Variants in BDNF observed in about 807,000 individuals in gnomAD.
BDNF encodes the protein brain derived neurotrophic factor.
In BDNF, 1 loss-of-function variant was observed where a neutral mutation model predicts 19.5. That is an observed-to-expected ratio of 0.05 (90% CI 0.02 to 0.24). BDNF has a LOEUF of 0.24. Among genes scored for constraint, BDNF ranks in the 10% least tolerant of loss-of-function variants. The pLI, the probability that BDNF is intolerant of heterozygous loss-of-function variation, is 1.00. For synonymous variants in BDNF, 100 were observed against 121.6 expected, an observed-to-expected ratio of 0.82 and a Z score of 1.17; for missense variants, 195 against 317.6, an observed-to-expected ratio of 0.61 and a Z score of 2.93.
chr11:27,681,641 T>G (rs6484320), intron 1 of BDNF, among the ~76,000 whole-genome samples: 1 of 152,018 alleles, frequency 6.6e-6, no homozygotes, highest in African/African-American at 2.4e-5. Flanking sequence ...AGTTTTAGTC[T>G]TGTAAACTTT....
chr11:27,721,671 C>T, exon 1 of BDNF: 1 of 577,358 alleles, frequency 1.7e-6, no homozygotes, highest in Admixed American at 3.0e-5. Flanking sequence ...TTTACGCAAA[C>T]GCCCTCACTC....
At chr11:27,707,015 C>T (rs1215664640) in intron 1 of BDNF, among the ~76,000 whole-genome samples, 1 of 152,170 alleles carries the variant, frequency 6.6e-6, no homozygotes, top group Non-Finnish European at 1.5e-5. Flanking sequence ...AGTTGTAGAC[C>T]TTTCACATTT....
At chr11:27,709,221 T>C (rs950509315) in intron 1 of BDNF, among the ~76,000 whole-genome samples, 1 of 152,196 alleles carries the variant, frequency 6.6e-6, no homozygotes, top group Non-Finnish European at 1.5e-5. Context: ...AAAAGAATTT[T>C]GTCGCTGAAA....
At chr11:27,709,031 G>C (rs533808416) in intron 1 of BDNF, among the ~76,000 whole-genome samples, 10 of 152,006 alleles carry the variant, frequency 6.6e-5, no homozygotes, top group African/African-American at 2.4e-4. Flanking sequence ...GTTTCACCAT[G>C]TTGGCCAGGC....
At chr11:27,704,122 A>G (rs1399601680), upstream of BDNF, among the ~76,000 whole-genome samples, 3 of 152,194 alleles carry the variant, frequency 2.0e-5, no homozygotes, top group African/African-American at 7.2e-5. Context: ...CCTCTGGCAT[A>G]ATTGATATGT....
At chr11:27,682,138 C>T (rs1056136758) in intron 1 of BDNF, among the ~76,000 whole-genome samples, 2 of 152,068 alleles carry the variant, frequency 1.3e-5, no homozygotes, top group Non-Finnish European at 2.9e-5. Context: ...GTGAAATAAA[C>T]GATAAGTCTC....
chr11:27,667,951 C>A (rs184921656), intron 1 of BDNF, among the ~76,000 whole-genome samples: 99 of 152,360 alleles, frequency 6.5e-4, no homozygotes, highest in African/African-American at 2.3e-3. Context: ...CACTCCAAAT[C>A]AACAGAATAT....
Position 27,718,310 on chromosome 11 carries a change from T to C in BDNF, c.3+3102A>G, listed in dbSNP as rs137935601. ...GCCGCCTGATTGGAAAAAGCAAGCG[T>C]TGCACCTTTAAATTCTGCTCCTCCA... On this transcript the variant is annotated intron_variant, in intron 1 of 1. Coordinates refer to the BDNF transcript ENST00000314915. Among the ~76,000 whole-genome samples the C allele has an allele frequency of 2.1e-3, 315 of 150,756 alleles. 2 individuals are homozygous for C. Among genetic ancestry groups the C allele is most frequent in the African/African-American group, 7.3e-3 (303 of 41,230 alleles).
At chr11:27,698,256 A>AAAAAAAAAAAC (rs1859404617) in intron 1 of BDNF, 1 of 120,910 alleles carries the variant, frequency 8.3e-6, no homozygotes, top group African/African-American at 3.1e-5. Context: ...AAAAAAAAAA[A>AAAAAAAAAAAC]GTCTTAAGCA....
rs920287043 is a variant in BDNF, at chr11:27,658,730, C to T, written c.-21-145G>A. The T allele has an allele frequency of 6.5e-7, 1 of 1,545,156 alleles. No individual in the cohort carries two copies. The highest frequency in any genetic ancestry group is 8.7e-7 in the Non-Finnish European group (1 of 1,146,160). On this transcript the variant is annotated intron_variant, in intron 1 of 1. Transcript: ENST00000356660. The surrounding 1 kb of genome is among the most constrained non-coding windows in gnomAD (Gnocchi z 5.7). ...TCTTGGTGATAAACTCCAGCTGCACCAGACACAAATCAGTGTCAGTAGTGT... is the reference window on the plus strand; with the variant it reads ...TCTTGGTGATAAACTCCAGCTGCACTAGACACAAATCAGTGTCAGTAGTGT...
At chr11:27,720,977 C>G (rs58936914) in intron 1 of BDNF, among the ~76,000 whole-genome samples, 9,144 of 133,740 alleles carry the variant, frequency 0.068, 414 homozygotes, top group South Asian at 0.24. Context: ...AACTCCCAGT[C>G]TTTACCCCAC....
chr11:27,697,529 C>T (rs1859245927), intron 1 of BDNF: 1 of 152,150 alleles, frequency 6.6e-6, no homozygotes, highest in African/African-American at 2.4e-5. Flanking sequence ...CAGGACCTCC[C>T]TTCCCTCCTT....
intron 1 of BDNF, among the ~76,000 whole-genome samples, chr11:27,697,196 G>GAGAGAA (rs34590225): frequency 6.7e-6 from 1 of 149,922 alleles, no homozygotes; most frequent in East Asian, 1.9e-4. Flanking sequence ...GAGAGAGAGA[G>GAGAGAA]CACCCCAGGT....
Position 27,657,144 on chromosome 11 carries a change from C to A in BDNF, c.*677G>T, listed in dbSNP as rs1852673177. On this transcript the variant is annotated 3_prime_UTR_variant, in exon 2 of 2. Transcript: ENST00000356660. This position sits in a 1 kb window ranked among gnomAD's most constrained non-coding sequence, Gnocchi z 5.0. Reference sequence around the variant, plus strand: ...GTCATCTGATCGATATTGCAAACATCTTCACAACATACAAATGTATCTTTT... The same window carrying A: ...GTCATCTGATCGATATTGCAAACATATTCACAACATACAAATGTATCTTTT... The A allele has an allele frequency of 1.0e-6, 1 of 982,548 alleles. No homozygotes were observed. The highest frequency in any genetic ancestry group is 1.2e-6 in the Non-Finnish European group (1 of 827,024). 60.9% of individuals were successfully genotyped at this position (982,548 alleles called of 1,614,324 possible). A position where few individuals can be genotyped will look rare whatever the true frequency, so the allele number is the denominator to read the frequency against.
At chr11:27,699,585 G>A (rs923737401) in intron 1 of BDNF, 3 of 1,487,924 alleles carry the variant, frequency 2.0e-6, no homozygotes, top group African/African-American at 2.8e-5. Flanking sequence ...TAGGAATTCC[G>A]CCTCCCAAGT....
chr11:27,669,359 T>C (rs558660239), intron 1 of BDNF, among the ~76,000 whole-genome samples: 7 of 152,188 alleles, frequency 4.6e-5, no homozygotes, highest in Non-Finnish European at 8.8e-5. Flanking sequence ...AACAAGGATG[T>C]CCTCTGTCAC....
At chr11:27,692,776 G>A (rs1176093043) in intron 1 of BDNF, among the ~76,000 whole-genome samples, 1 of 152,142 alleles carries the variant, frequency 6.6e-6, no homozygotes, top group Admixed American at 6.5e-5. Flanking sequence ...ATTGGTTCTA[G>A]AACTGCTGTC....
intron 1 of BDNF, chr11:27,721,360 A>G: frequency 6.2e-7 from 1 of 1,607,284 alleles, no homozygotes; most frequent in Non-Finnish European, 8.5e-7. Flanking sequence ...GCCCGTTGTT[A>G]AGCAACATGT....
At chr11:27,711,655 G>A (rs1860334297) in intron 1 of BDNF, among the ~76,000 whole-genome samples, 1 of 152,204 alleles carries the variant, frequency 6.6e-6, no homozygotes. Context: ...CAGATTTTCT[G>A]TGTTAGTTTG....
Sources: allele counts gnomAD v4.1 joint callset (sites outside exome capture counted in the v4.1 genomes callset), GRCh38; gene constraint gnomAD v4.1.1; non-coding constraint Gnocchi (gnomAD v3.1); transcripts MANE v1.5; gene names NCBI Gene and HGNC (gene_info 2026-07-23, HGNC 2026-07-21).